SLC24A2: variants seen among roughly 807,000 people sequenced by gnomAD.
SLC24A2 encodes sodium/potassium/calcium exchanger 2.
In SLC24A2, 36 loss-of-function variants were observed where a neutral mutation model predicts 62.0. The observed-to-expected ratio is 0.58, with a 90% CI of 0.44 to 0.77. The LOEUF (loss-of-function observed/expected upper bound fraction) is 0.77. SLC24A2 is among the 30% of genes least tolerant of loss of function. The pLI is 0.00. For missense variants in SLC24A2, 846 were observed against 817.9 expected (o/e 1.03, Z -0.42); for synonymous variants, 358 against 294.0 (o/e 1.22, Z -2.23).
chr9:20,223,200 T>C, the SLC24A2 span, among the ~76,000 whole-genome samples: 1 of 152,148 alleles, frequency 6.6e-6, no homozygotes, highest in Non-Finnish European at 1.5e-5. Context: ...AGATATACTA[T>C]AACTTTATGG....
chr9:20,261,897 G>A, the SLC24A2 span, among the ~76,000 whole-genome samples: 276 of 151,766 alleles, frequency 1.8e-3, 3 homozygotes, highest in Non-Finnish European at 1.2e-3. Context: ...CCGCCACCAC[G>A]CCTGGCTAGT....
intron 8 of SLC24A2, 125 bp downstream of exon 8, chr9:19,550,012 G>T: frequency 1.1e-6 from 1 of 901,416 alleles, no homozygotes; most frequent in Non-Finnish European, 1.8e-6. Flanking sequence ...TATTTATGGG[G>T]TATATGTGAG....
chr9:19,603,017 AAT>A lies in SLC24A2; in HGVS notation c.1079-5740_1079-5739del, dbSNP rs1836882082. ...CAGCTCTAGTTTGAAGGGAAAAAAT[AAT>A]ATTAAAGATAGTGAAAAAATATGAT... is the stretch of plus-strand genomic sequence containing the variant. On this transcript the variant is annotated intron_variant, in intron 4 of 10. Coordinates refer to ENST00000341998, the MANE Select transcript of SLC24A2 (RefSeq NM_020344.4). Among the ~76,000 whole-genome samples, 4 of 152,188 alleles carry A rather than the reference AAT, an allele frequency of 2.6e-5. No individual in the cohort carries two copies. In the South Asian group the frequency reaches 8.3e-4, roughly 32 times the overall value.
At chr9:20,085,953 T>C in the SLC24A2 span, among the ~76,000 whole-genome samples, 8 of 152,074 alleles carry the variant, frequency 5.3e-5, no homozygotes, top group African/African-American at 1.9e-4. Context: ...AAAGTGAGAG[T>C]CCAGAGTTGA....
intron 4 of SLC24A2, among the ~76,000 whole-genome samples, chr9:19,613,448 T>C (rs1379612063): frequency 6.6e-6 from 1 of 152,142 alleles, no homozygotes; most frequent in Non-Finnish European, 1.5e-5. Context: ...GAGGAGGACA[T>C]GAAGGTGGAG....
chr9:19,991,662 C>T, the SLC24A2 span, among the ~76,000 whole-genome samples: 3 of 152,170 alleles, frequency 2.0e-5, no homozygotes, highest in Admixed American at 6.6e-5. Context: ...TAACTACCAT[C>T]CTATACTGTC....
chr9:19,914,074 C>T, the SLC24A2 span, among the ~76,000 whole-genome samples: 2 of 152,000 alleles, frequency 1.3e-5, no homozygotes, highest in Non-Finnish European at 2.9e-5. Context: ...CCCTTTGTTC[C>T]TCCTCTGCTT....
chr9:20,031,256 A>C, the SLC24A2 span, among the ~76,000 whole-genome samples: 1 of 149,796 alleles, frequency 6.7e-6, no homozygotes, highest in Non-Finnish European at 1.5e-5. Context: ...TTCTCTACTT[A>C]TAAAATGTGT....
the SLC24A2 span, among the ~76,000 whole-genome samples, chr9:20,171,304 TA>T: frequency 8.0e-5 from 12 of 149,768 alleles, no homozygotes; most frequent in African/African-American, 9.8e-5. Flanking sequence ...AAAAATACAA[TA>T]AAAAAAAACA....
intron 2 of SLC24A2, among the ~76,000 whole-genome samples, chr9:19,643,435 T>C (rs1388026018): frequency 1.3e-5 from 2 of 152,242 alleles, no homozygotes; most frequent in Non-Finnish European, 2.9e-5. Context: ...ATCTGAATAA[T>C]TGATGGAAAT....
chr9:19,712,676 T>C (rs1820748089), intron 2 of SLC24A2, among the ~76,000 whole-genome samples: 1 of 152,194 alleles, frequency 6.6e-6, no homozygotes, highest in Admixed American at 6.5e-5. Context: ...CTTCCTAGAA[T>C]ATACCAAGCA....
chr9:20,022,749 C>T, the SLC24A2 span, among the ~76,000 whole-genome samples: 1 of 151,798 alleles, frequency 6.6e-6, no homozygotes, highest in African/African-American at 2.4e-5. Flanking sequence ...GTCAAACAAA[C>T]AAACTGAATC....
At chr9:19,969,832 T>C in the SLC24A2 span, among the ~76,000 whole-genome samples, 1 of 152,138 alleles carries the variant, frequency 6.6e-6, no homozygotes, top group African/African-American at 2.4e-5. Flanking sequence ...CAAAATCCAA[T>C]TGTTGAGAAT....
the SLC24A2 span, among the ~76,000 whole-genome samples, chr9:20,103,557 G>T: frequency 5.3e-5 from 8 of 152,314 alleles, no homozygotes; most frequent in East Asian, 5.8e-4. Flanking sequence ...CCACTGTTCT[G>T]CAGCCACCGC....
chr9:19,901,539 T>G, the SLC24A2 span, among the ~76,000 whole-genome samples: 3 of 152,272 alleles, frequency 2.0e-5, no homozygotes, highest in African/African-American at 7.2e-5. Flanking sequence ...TTTGGCTAAT[T>G]ATACATATTC....
At chr9:19,721,719 T>C (rs1158042856) in intron 2 of SLC24A2, among the ~76,000 whole-genome samples, 1 of 152,162 alleles carries the variant, frequency 6.6e-6, no homozygotes, top group Non-Finnish European at 1.5e-5. Flanking sequence ...GAAACAGTTC[T>C]ATGGTCCTCC....
the SLC24A2 span, among the ~76,000 whole-genome samples, chr9:20,014,210 C>A: frequency 6.6e-6 from 1 of 151,350 alleles, no homozygotes; most frequent in African/African-American, 2.4e-5. Flanking sequence ...CATGTCTCAG[C>A]GGGGGAAAAA....
the SLC24A2 span, among the ~76,000 whole-genome samples, chr9:20,204,939 G>T: frequency 1.3e-5 from 2 of 151,792 alleles, no homozygotes; most frequent in Non-Finnish European, 2.9e-5. Flanking sequence ...TACAGACGGG[G>T]TTTCACCATG....
At position 19,539,510 on chromosome 9, in the gene SLC24A2, C is replaced by A. The variant is rs1282649245; in HGVS notation, c.1479+10627G>T. On this transcript the variant is annotated intron_variant, in intron 8 of 10. Transcript: ENST00000341998. ...GTTGTTCAGTTTCCATGTAGTTGAG[C>A]GGCTTTGAGTGAGATTCTTAATCCT... Among the ~76,000 whole-genome samples, 27 of 144,522 alleles carry A rather than the reference C, an allele frequency of 1.9e-4. No homozygotes were observed. In the East Asian group the frequency reaches 3.1e-3, roughly 17 times the overall value. 94.8% of individuals were successfully genotyped at this position (144,522 alleles called of 152,430 possible). A position where few individuals can be genotyped will look rare whatever the true frequency, so the allele number is the denominator to read the frequency against.
Sources: allele counts gnomAD v4.1 joint callset (sites outside exome capture counted in the v4.1 genomes callset), GRCh38; gene constraint gnomAD v4.1.1; transcripts MANE v1.5; gene names NCBI Gene and HGNC (gene_info 2026-07-23, HGNC 2026-07-21).